Variants in BDH1 observed in about 807,000 individuals in gnomAD.
The protein encoded by BDH1 is D-beta-hydroxybutyrate dehydrogenase, mitochondrial.
Under a neutral mutation model 33.1 loss-of-function variants are expected in BDH1, and 30 were observed. That is an observed-to-expected ratio of 0.91 (90% CI 0.68 to 1.23). The LOEUF (loss-of-function observed/expected upper bound fraction) is 1.23, where lower values mean the gene tolerates loss of function less well. Ranked by LOEUF, BDH1 falls within the 50% of genes most tolerant of loss-of-function variation. The pLI, the probability that BDH1 is intolerant of heterozygous loss-of-function variation, is 0.00. For synonymous variants in BDH1, 190 were observed against 183.6 expected, an observed-to-expected ratio of 1.03 and a Z score of -0.28; for missense variants, 443 against 464.4, an observed-to-expected ratio of 0.95 and a Z score of 0.42.
intron 4 of BDH1, 65 bp from the exon 5 acceptor site, chr3:197,532,587 TC>T: frequency 8.4e-7 from 1 of 1,191,610 alleles, no homozygotes; most frequent in Non-Finnish European, 1.2e-6. Flanking sequence ...ACCAGGCCTC[TC>T]CACCCTCTGT....
At position 197,546,430 on chromosome 3, in the gene BDH1, C is replaced by G. The variant is rs115296714; in HGVS notation, c.14G>C (p.Arg5Pro). ...GAGCCGTGACAGGGGTCTGGAGAGG[C>G]GGGTGGCCAGCATGGTAGCAACGGG... MLAT[R>P]LSRPLSRLPG... The change falls in exon 3 of 8, where the codon CGC becomes CCC. Residue 5 changes from arginine (R) to proline (P), a missense_variant. Physicochemically the swap from Arg to Pro is moderately radical, Grantham distance 103. Transcript: ENST00000392379. 6.2e-7 allele frequency: 1 copy of G among 1,614,074 alleles called. No individual in the cohort carries two copies. The highest frequency in any genetic ancestry group is 1.3e-5 in the African/African-American group (1 of 75,020).
At chr3:197,570,266 TA>T (rs1717564151) in intron 1 of BDH1, among the ~76,000 whole-genome samples, 1 of 152,176 alleles carries the variant, frequency 6.6e-6, no homozygotes, top group African/African-American at 2.4e-5. Context: ...CATTCAGTTT[TA>T]AAAGGGAAAC....
At position 197,532,952 on chromosome 3, in the gene BDH1, C is replaced by T. The variant is rs183122102; in HGVS notation, c.157-430G>A. Among the ~76,000 whole-genome samples the T allele has an allele frequency of 5.8e-4, 89 of 152,272 alleles. 2 individuals are homozygous for T. The highest frequency in any genetic ancestry group is 6.8e-3 in the Middle Eastern group (2 of 294). ...AGGGCAATGGCCAGTCTCGGCTCAC[C>T]GCAAAACCTTCACCTTCCAGGTTCA... is the stretch of plus-strand genomic sequence containing the variant. On this transcript the variant is annotated intron_variant, in intron 4 of 7. Transcript: ENST00000392379.
rs1166263077 is a variant in BDH1, at chr3:197,546,365, C to G, written c.79G>C (p.Ala27Pro). ...TLSACDRENG[A>P]RRPLLLGSTS... ...CCACCACCTCTGGTTGCTTACCTTG[C>G]TCCATTTTCTCTATCACAGGCACTT... Residue 27 changes from alanine to proline, a missense_variant, in exon 3 of 8, where the codon GCA becomes CCA. Coordinates refer to ENST00000392379, the MANE Select transcript of BDH1 (RefSeq NM_203314.3). 1.9e-6 allele frequency: 3 copies of G among 1,614,100 alleles called. No individual in the cohort carries two copies. The highest frequency in any genetic ancestry group is 2.5e-6 in the Non-Finnish European group (3 of 1,180,010).
At chr3:197,547,226 G>A (rs377452560) in intron 2 of BDH1, among the ~76,000 whole-genome samples, 6 of 152,302 alleles carry the variant, frequency 3.9e-5, no homozygotes, top group East Asian at 3.9e-4. Flanking sequence ...ATTATTGACC[G>A]CTGATCAGCA....
chr3:197,545,347 G>A (rs112342395), intron 3 of BDH1, among the ~76,000 whole-genome samples: 5,168 of 152,220 alleles, frequency 0.034, 295 homozygotes, highest in African/African-American at 0.12. Context: ...TGAAGGTTTG[G>A]GACATCTCGG....
chr3:197,511,808 CG>C lies in BDH1; in HGVS notation c.*86del. 1 of 1,269,038 alleles carries C rather than the reference CG, an allele frequency of 7.9e-7. No homozygotes were observed. Among genetic ancestry groups the C allele is most frequent in the Non-Finnish European group, 1.1e-6 (1 of 913,498 alleles). The allele number at this position is 1,269,038 out of a possible 1,614,324, so 78.6% of individuals were successfully genotyped here. A position where few individuals can be genotyped will look rare whatever the true frequency, so the allele number is the denominator to read the frequency against. On this transcript the variant is annotated 3_prime_UTR_variant, in exon 8 of 8. Coordinates refer to ENST00000392379, the MANE Select transcript of BDH1 (RefSeq NM_203314.3). ...TTCCTGGCATGGTGGATAATCCACACGTGGATAATCAAGAGTTGACTATATG... is the reference window on the plus strand; with the variant it reads ...TTCCTGGCATGGTGGATAATCCACACTGGATAATCAAGAGTTGACTATATG...
intron 1 of BDH1, among the ~76,000 whole-genome samples, chr3:197,571,477 C>T (rs979646203): frequency 2.9e-4 from 44 of 152,264 alleles, no homozygotes; most frequent in African/African-American, 1.1e-3. Flanking sequence ...GTGGAAGGGA[C>T]CCAGTGGGAG....
At chr3:197,546,554 TC>T (rs1156958796) in intron 2 of BDH1, 68 bp from the exon 3 acceptor site, 2 of 1,093,252 alleles carry the variant, frequency 1.8e-6, no homozygotes. Flanking sequence ...GCAGTCATGT[TC>T]CTTTCAGGTT....
intron 7 of BDH1, among the ~76,000 whole-genome samples, chr3:197,513,449 C>G (rs1712319363): frequency 6.9e-6 from 1 of 144,646 alleles, no homozygotes; most frequent in South Asian, 2.2e-4. Context: ...CCAGGTGTGC[C>G]CCCGGGAGGG....
Position 197,571,110 on chromosome 3 carries a change from T to C in BDH1, c.-44+2071A>G, listed in dbSNP as rs374821653. Among the ~76,000 whole-genome samples the C allele has an allele frequency of 6.6e-5, 10 of 152,372 alleles. No individual in the cohort carries two copies. In the South Asian group the frequency reaches 1.0e-3, roughly 16 times the overall value. On this transcript the variant is annotated intron_variant, in intron 1 of 6. Transcript: ENST00000358186. ...TAAGATTTGGCTGCCCTGCTGGATT[T>C]TGGACTTTCATGGAACCTTTGGCCC...
intron 7 of BDH1, among the ~76,000 whole-genome samples, chr3:197,513,208 C>A (rs1225838198): frequency 6.6e-6 from 1 of 152,322 alleles, no homozygotes; most frequent in Admixed American, 6.5e-5. Flanking sequence ...CTCCTCCTGG[C>A]CCTGGGAACA....
chr3:197,545,777 C>G, intron 3 of BDH1, among the ~76,000 whole-genome samples: 1 of 152,228 alleles, frequency 6.6e-6, no homozygotes, highest in East Asian at 1.9e-4. Flanking sequence ...GATCCAGAAA[C>G]CCTTTCCAAC....
At chr3:197,551,895 C>T (rs922849206) in intron 2 of BDH1, among the ~76,000 whole-genome samples, 3 of 152,146 alleles carry the variant, frequency 2.0e-5, no homozygotes, top group African/African-American at 7.2e-5. Context: ...ACTAGGAGAA[C>T]AGGGCTTGCC....
At chr3:197,550,823 T>C (rs965422254) in intron 2 of BDH1, among the ~76,000 whole-genome samples, 13 of 152,242 alleles carry the variant, frequency 8.5e-5, no homozygotes, top group African/African-American at 3.1e-4. Context: ...GAAGCCATGC[T>C]GTGCCTTTAC....
Position 197,514,161 on chromosome 3 carries a change from A to C in BDH1, c.562+103T>G. 7.0e-7 allele frequency: 1 copy of C among 1,425,058 alleles called. No individual in the cohort carries two copies. The highest frequency in any genetic ancestry group is 1.4e-5 in the South Asian group (1 of 69,360). 88.3% of individuals were successfully genotyped at this position (1,425,058 alleles called of 1,614,324 possible). A position where few individuals can be genotyped will look rare whatever the true frequency, so the allele number is the denominator to read the frequency against. On this transcript the variant is annotated intron_variant, in intron 7 of 7. Coordinates refer to ENST00000392379, the MANE Select transcript of BDH1 (RefSeq NM_203314.3). This position sits in a 1 kb window ranked among gnomAD's most constrained non-coding sequence, Gnocchi z 4.2. ...GGGATTCACGAGCTCACCTCTGCTG[A>C]GTTGTGGACATTGGAGCTGCTGGGA...
intron 1 of BDH1, among the ~76,000 whole-genome samples, chr3:197,563,736 G>C (rs547852554): frequency 5.3e-5 from 8 of 152,148 alleles, no homozygotes; most frequent in African/African-American, 1.9e-4. Flanking sequence ...AATAGTTTTT[G>C]TCTAATTCAA....
intron 5 of BDH1, among the ~76,000 whole-genome samples, chr3:197,527,952 T>C (rs1714264597): frequency 6.6e-6 from 1 of 152,176 alleles, no homozygotes; most frequent in Non-Finnish European, 1.5e-5. Flanking sequence ...TTTATCTTCT[T>C]TTCCTGTTTT....
intron 1 of BDH1, among the ~76,000 whole-genome samples, chr3:197,570,141 C>T (rs2108778479): frequency 6.6e-6 from 1 of 152,250 alleles, no homozygotes; most frequent in East Asian, 1.9e-4. Context: ...AGCATTTTGC[C>T]CCTGCCCTAG....
Sources: gnomAD v4.1 joint callset for allele counts (sites outside exome capture counted in the v4.1 genomes callset) on GRCh38, gnomAD v4.1.1 for gene constraint, Gnocchi (gnomAD v3.1) non-coding constraint, MANE v1.5 for transcripts, NCBI Gene and HGNC (gene_info 2026-07-23, HGNC 2026-07-21) for gene names.